The following CRISPLD2 variants were observed in gnomAD, a reference collection of about 807,000 sequenced individuals.
The protein encoded by CRISPLD2 is cysteine-rich secretory protein LCCL domain-containing 2.
Under a neutral mutation model 71.1 loss-of-function variants are expected in CRISPLD2, and 47 were observed. The observed-to-expected ratio is 0.66, with a 90% CI of 0.52 to 0.84. The LOEUF (loss-of-function observed/expected upper bound fraction) is 0.84. CRISPLD2 is among the 40% of genes least tolerant of loss of function. CRISPLD2 has a pLI of 0.00. For synonymous variants in CRISPLD2, 317 were observed against 250.1 expected (o/e 1.27, Z -2.52); for missense variants, 830 against 651.1 (o/e 1.27, Z -2.99).
chr16:84,882,658 G>C (rs570486654), intron 13 of CRISPLD2, among the ~76,000 whole-genome samples: 5 of 152,190 alleles, frequency 3.3e-5, no homozygotes, highest in Non-Finnish European at 7.4e-5. Context: ...ACCCACCTTG[G>C]CTTCCCAAAG....
intron 6 of CRISPLD2, among the ~76,000 whole-genome samples, chr16:84,859,439 G>A (rs1332458823): frequency 6.6e-6 from 1 of 152,120 alleles, no homozygotes; most frequent in Non-Finnish European, 1.5e-5. Flanking sequence ...GGTTTCCCTG[G>A]TACAAGGCCA....
In CRISPLD2 at chr16:84,849,380, T is replaced by C. The variant is rs1180603378; in HGVS notation, c.360-5T>C. The C allele has an allele frequency of 1.9e-6, 3 of 1,611,574 alleles. No homozygotes were observed. Among genetic ancestry groups the C allele is most frequent in the Non-Finnish European group, 2.5e-6 (3 of 1,178,082 alleles). ...GGGACTGAGTGAGCGGTTTCTGCCC[T>C]GCAGGTATCGCTCTCCGGGGTTCCA... On this transcript the variant is annotated splice_region_variant and splice_polypyrimidine_tract_variant and intron_variant, in intron 3 of 14. Coordinates refer to ENST00000262424, the MANE Select transcript of CRISPLD2 (RefSeq NM_031476.4).
intron 14 of CRISPLD2, among the ~76,000 whole-genome samples, chr16:84,904,779 C>A (rs1428588436): frequency 6.6e-6 from 1 of 152,068 alleles, no homozygotes; most frequent in Admixed American, 6.5e-5. Context: ...GATGTTGGAC[C>A]TTTGCCTCAC....
At chr16:84,822,961 A>T (rs1362627204) in intron 1 of CRISPLD2, among the ~76,000 whole-genome samples, 1 of 152,242 alleles carries the variant, frequency 6.6e-6, no homozygotes. Flanking sequence ...AGCCACCACC[A>T]CTAATTCCAG....
chr16:84,842,782 G>A (rs772087693), intron 2 of CRISPLD2, among the ~76,000 whole-genome samples: 14 of 152,160 alleles, frequency 9.2e-5, no homozygotes, highest in Non-Finnish European at 1.5e-4. Flanking sequence ...CCATGGGAAC[G>A]TTGAGACCCA....
At chr16:84,857,555 T>G (rs1385460203) in intron 6 of CRISPLD2, among the ~76,000 whole-genome samples, 1 of 152,198 alleles carries the variant, frequency 6.6e-6, no homozygotes, top group East Asian at 1.9e-4. Flanking sequence ...CCATGCAAAG[T>G]GTACAGCCAG....
intron 12 of CRISPLD2, among the ~76,000 whole-genome samples, chr16:84,878,626 G>A (rs1047056221): frequency 6.6e-6 from 1 of 152,196 alleles, no homozygotes; most frequent in Non-Finnish European, 1.5e-5. Flanking sequence ...CACGGAGGAC[G>A]ATGCCTCCCA....
chr16:84,854,696 C>T (rs1182046110), intron 5 of CRISPLD2, 33 bp from the exon 6 acceptor site: 3 of 1,539,984 alleles, frequency 1.9e-6, no homozygotes, highest in African/African-American at 2.7e-5. Flanking sequence ...CGTCGTGGTT[C>T]CCTCTGACGG....
At chr16:84,874,426 C>G (rs1231380811) in intron 11 of CRISPLD2, among the ~76,000 whole-genome samples, 1 of 152,162 alleles carries the variant, frequency 6.6e-6, no homozygotes, top group Non-Finnish European at 1.5e-5. Context: ...CCATCTCTGG[C>G]CCAGCTTTTT....
intron 5 of CRISPLD2, among the ~76,000 whole-genome samples, chr16:84,854,504 T>G (rs1917178215): frequency 6.6e-6 from 1 of 152,102 alleles, no homozygotes; most frequent in African/African-American, 2.4e-5. Flanking sequence ...AAGGGCATCT[T>G]GTAGCTCCCT....
intron 1 of CRISPLD2, among the ~76,000 whole-genome samples, chr16:84,832,937 A>C (rs1239412598): frequency 6.6e-6 from 1 of 152,188 alleles, no homozygotes; most frequent in Non-Finnish European, 1.5e-5. Flanking sequence ...TGGTTTGGTG[A>C]TCCCCTAAAT....
chr16:84,821,211 G>C (rs375335382), intron 1 of CRISPLD2, among the ~76,000 whole-genome samples: 1 of 152,172 alleles, frequency 6.6e-6, no homozygotes, highest in Non-Finnish European at 1.5e-5. Flanking sequence ...TGACAGTGAG[G>C]AGAGCCTGCA....
chr16:84,889,784 GTGTGTGC>G (rs929441528), intron 14 of CRISPLD2, among the ~76,000 whole-genome samples: 1 of 150,194 alleles, frequency 6.7e-6, no homozygotes, highest in African/African-American at 2.5e-5. Flanking sequence ...GTGTGTGTGT[GTGTGTGC>G]ATTTTTTTCC....
chr16:84,863,996 AAAAAAG>A (rs1917466413), intron 6 of CRISPLD2, among the ~76,000 whole-genome samples: 1 of 131,128 alleles, frequency 7.6e-6, no homozygotes, highest in Admixed American at 7.4e-5. Flanking sequence ...GAGAGAGAAA[AAAAAAG>A]AAAAGAAAAG....
At chr16:84,866,385 G>C (rs968446898) in intron 6 of CRISPLD2, among the ~76,000 whole-genome samples, 1 of 152,044 alleles carries the variant, frequency 6.6e-6, no homozygotes, top group Non-Finnish European at 1.5e-5. Context: ...ACAGGCGTCC[G>C]CCACCATGCC....
At chr16:84,843,073 C>T (rs1916818339) in intron 2 of CRISPLD2, among the ~76,000 whole-genome samples, 1 of 152,204 alleles carries the variant, frequency 6.6e-6, no homozygotes, top group South Asian at 2.1e-4. Context: ...CAGCCCAGAG[C>T]AGGCCTTTCA....
rs111976075 is a variant in CRISPLD2 at position 84,853,856 on chromosome 16, G to C, written c.609-873G>C. ...TTACAGAAAGGGAGACCGAGGCTGGGGCTGGAGGAGGCTGGCCGAGGGCAC... is the reference window on the plus strand; with the variant it reads ...TTACAGAAAGGGAGACCGAGGCTGGCGCTGGAGGAGGCTGGCCGAGGGCAC... On this transcript the variant is annotated intron_variant, in intron 5 of 14. Transcript: ENST00000262424. 2.4e-3 allele frequency among the ~76,000 whole-genome samples: 361 copies of C among 152,344 alleles called. 2 individuals carry two copies. Among genetic ancestry groups the C allele is most frequent in the African/African-American group, 8.4e-3 (349 of 41,582 alleles).
At chr16:84,849,044 G>C (rs555313282) in intron 3 of CRISPLD2, among the ~76,000 whole-genome samples, 2 of 151,508 alleles carry the variant, frequency 1.3e-5, no homozygotes, top group South Asian at 4.2e-4. Flanking sequence ...ATTCCTGCAC[G>C]TGCAGGTGGT....
chr16:84,906,999 C>T lies in CRISPLD2; in HGVS notation c.*357C>T. The T allele has an allele frequency of 3.3e-6, 1 of 305,722 alleles. No homozygotes were observed. Among genetic ancestry groups the T allele is most frequent in the South Asian group, 3.5e-5 (1 of 28,302 alleles). The allele number at this position is 305,722 out of a possible 1,614,324, so 18.9% of individuals were successfully genotyped here. On this transcript the variant is annotated 3_prime_UTR_variant, in exon 15 of 15. Transcript: ENST00000262424. ...GTGGAGGAAGTTGATTTCAACCTCC[C>T]TGCCAAAAGAACAAACCATTTGAAG... is the stretch of plus-strand genomic sequence containing the variant.
Sources: gnomAD v4.1 joint callset for allele counts (sites outside exome capture counted in the v4.1 genomes callset) on GRCh38, gnomAD v4.1.1 for gene constraint, MANE v1.5 for transcripts, NCBI Gene and HGNC (gene_info 2026-07-23, HGNC 2026-07-21) for gene names.